The following CLSTN2 variants were observed in gnomAD, a reference collection of about 807,000 sequenced individuals.
CLSTN2 encodes the protein calsyntenin 2.
Under a neutral mutation model 101.2 loss-of-function variants are expected in CLSTN2, and 48 were observed. The observed-to-expected ratio is 0.47, with a 90% CI of 0.38 to 0.60. CLSTN2 has a LOEUF of 0.60. CLSTN2 is among the 20% of genes least tolerant of loss of function. CLSTN2 has a pLI of 0.00. For missense variants in CLSTN2, 1,160 were observed against 1,238.2 expected (o/e 0.94, Z 0.95); for synonymous variants, 481 against 463.6 (o/e 1.04, Z -0.48).
intron 6 of CLSTN2, among the ~76,000 whole-genome samples, chr3:140,456,146 G>A (rs1249777741): frequency 1.3e-5 from 2 of 152,218 alleles, no homozygotes; most frequent in African/African-American, 4.8e-5. Context: ...CTTCTAGCTA[G>A]CTGTGACTGT....
intron 2 of CLSTN2, among the ~76,000 whole-genome samples, chr3:140,222,369 A>C (rs2086282063): frequency 6.6e-6 from 1 of 152,164 alleles, no homozygotes; most frequent in Admixed American, 6.5e-5. Flanking sequence ...TAATTCGTAC[A>C]AAAAGAAAAA....
At chr3:140,560,434 C>T (rs1308107765) in intron 12 of CLSTN2, among the ~76,000 whole-genome samples, 1 of 152,190 alleles carries the variant, frequency 6.6e-6, no homozygotes, top group East Asian at 1.9e-4. Context: ...TTCCCTATCC[C>T]TTGATTCCTG....
chr3:140,088,488 C>G (rs1426659309), intron 1 of CLSTN2, among the ~76,000 whole-genome samples: 1 of 149,332 alleles, frequency 6.7e-6, no homozygotes, highest in Non-Finnish European at 1.5e-5. Flanking sequence ...AATTTCCCAT[C>G]CCAACCCCAT....
chr3:140,046,709 G>C (rs1196247457), intron 1 of CLSTN2, among the ~76,000 whole-genome samples: 1 of 152,102 alleles, frequency 6.6e-6, no homozygotes, highest in South Asian at 2.1e-4. Context: ...GGCAGGCCTG[G>C]TAGTGACAAA....
At chr3:140,146,378 G>A (rs2009781099) in intron 1 of CLSTN2, among the ~76,000 whole-genome samples, 1 of 152,248 alleles carries the variant, frequency 6.6e-6, no homozygotes, top group Non-Finnish European at 1.5e-5. Context: ...GCTCAGCAAA[G>A]CATTGTTGGT....
chr3:140,512,132 A>G (rs954716165), intron 8 of CLSTN2, among the ~76,000 whole-genome samples: 3 of 152,030 alleles, frequency 2.0e-5, no homozygotes, highest in Non-Finnish European at 2.9e-5. Flanking sequence ...GCAGCTCTTC[A>G]GTTTAATTAG....
intron 2 of CLSTN2, among the ~76,000 whole-genome samples, chr3:140,291,178 T>C (rs2107903420): frequency 6.6e-6 from 1 of 152,274 alleles, no homozygotes. Flanking sequence ...CATGAATTCA[T>C]GTAAAACATA....
chr3:140,393,859 T>C (rs1393843635), intron 2 of CLSTN2, among the ~76,000 whole-genome samples: 2 of 152,214 alleles, frequency 1.3e-5, no homozygotes, highest in Non-Finnish European at 2.9e-5. Context: ...TAAAATGCTC[T>C]CTTGGCAAAT....
intron 7 of CLSTN2, among the ~76,000 whole-genome samples, chr3:140,460,551 G>A (rs896939644): frequency 1.3e-5 from 2 of 152,114 alleles, no homozygotes; most frequent in Non-Finnish European, 2.9e-5. Context: ...TTTTATAAAA[G>A]CCTTATTGTT....
At chr3:140,011,124 ACCCAGGGACCCAC>A (rs545057893) in intron 1 of CLSTN2, among the ~76,000 whole-genome samples, 7 of 152,298 alleles carry the variant, frequency 4.6e-5, no homozygotes, top group Admixed American at 3.3e-4. Context: ...TCCTGGAAAG[ACCCAGGGACCCAC>A]CCCAGAGGGC....
chr3:139,973,651 T>A (rs892395589), intron 1 of CLSTN2, among the ~76,000 whole-genome samples: 2 of 152,130 alleles, frequency 1.3e-5, no homozygotes, highest in Admixed American at 6.5e-5. Context: ...CTTTCTTTTT[T>A]AAATTGAGAC....
intron 2 of CLSTN2, among the ~76,000 whole-genome samples, chr3:140,349,434 C>T (rs897332773): frequency 6.6e-6 from 1 of 152,152 alleles, no homozygotes; most frequent in Non-Finnish European, 1.5e-5. Flanking sequence ...AATAAAGGCT[C>T]GTGTTCTCTT....
chr3:140,444,014 C>A (rs532015875), intron 5 of CLSTN2, among the ~76,000 whole-genome samples: 40 of 152,322 alleles, frequency 2.6e-4, no homozygotes, highest in African/African-American at 8.9e-4. Flanking sequence ...ACTGACAATA[C>A]TTCTTGATCT....
At chr3:139,945,580 G>A (rs972979526) in intron 1 of CLSTN2, among the ~76,000 whole-genome samples, 1 of 152,184 alleles carries the variant, frequency 6.6e-6, no homozygotes. Context: ...GTGTCACACA[G>A]CTGGTAGTCA....
intron 8 of CLSTN2, among the ~76,000 whole-genome samples, chr3:140,476,417 G>A (rs1299822847): frequency 6.6e-6 from 1 of 152,202 alleles, no homozygotes; most frequent in Non-Finnish European, 1.5e-5. Flanking sequence ...GGAAGACATA[G>A]CAAGGTGCTT....
At chr3:140,224,208 C>T (rs1473359408) in intron 2 of CLSTN2, among the ~76,000 whole-genome samples, 1 of 152,218 alleles carries the variant, frequency 6.6e-6, no homozygotes, top group Non-Finnish European at 1.5e-5. Context: ...GCCTGGCCCC[C>T]TCCTATTTGT....
intron 1 of CLSTN2, among the ~76,000 whole-genome samples, chr3:139,951,445 C>T (rs1040903042): frequency 1.2e-4 from 19 of 152,096 alleles, no homozygotes; most frequent in Admixed American, 4.6e-4. Flanking sequence ...ACTTGGGGAG[C>T]CCATAGATCA....
In CLSTN2 at chr3:140,404,409, G is replaced by T. The variant is rs562972408; in HGVS notation, c.429-149G>T. On this transcript the variant is annotated intron_variant, in intron 3 of 16. Transcript: ENST00000458420. ...AGTAGAGAGTCTCCAGTGAGAGGGAGGATGGGACACTCAGACAACTGCCAC... is the reference window on the plus strand; with the variant it reads ...AGTAGAGAGTCTCCAGTGAGAGGGATGATGGGACACTCAGACAACTGCCAC... 69 of 681,340 alleles carry T rather than the reference G, an allele frequency of 1.0e-4. No homozygotes were observed. In the Middle Eastern group the frequency reaches 1.2e-3, roughly 12 times the overall value. The allele number at this position is 681,340 out of a possible 1,614,324, so 42.2% of individuals were successfully genotyped here. A position where few individuals can be genotyped will look rare whatever the true frequency, so the allele number is the denominator to read the frequency against.
intron 8 of CLSTN2, among the ~76,000 whole-genome samples, chr3:140,489,120 G>A (rs1200754532): frequency 1.3e-5 from 2 of 152,200 alleles, no homozygotes; most frequent in Non-Finnish European, 2.9e-5. Flanking sequence ...GGTGAAGACT[G>A]TAAAAGTCAA....
Sources: gnomAD v4.1 joint callset for allele counts (sites outside exome capture counted in the v4.1 genomes callset) on GRCh38, gnomAD v4.1.1 for gene constraint, MANE v1.5 for transcripts, NCBI Gene and HGNC (gene_info 2026-07-23, HGNC 2026-07-21) for gene names.